The following PCDH9 variants were observed in gnomAD, a reference collection of about 807,000 sequenced individuals.
The protein encoded by PCDH9 is protocadherin 9.
A neutral mutation model predicts 70.6 loss-of-function variants in PCDH9; 24 were observed. The observed-to-expected ratio is 0.34, with a 90% CI of 0.25 to 0.48. The LOEUF is 0.48. PCDH9 is among the 20% of genes least tolerant of loss of function. The pLI is 0.99. For missense variants in PCDH9, 1,281 were observed against 1,503.6 expected (o/e 0.85, Z 2.45); for synonymous variants, 562 against 558.5 (o/e 1.01, Z -0.09).
At chr13:66,452,530 T>C (rs947870685) in intron 4 of PCDH9, among the ~76,000 whole-genome samples, 2 of 152,122 alleles carry the variant, frequency 1.3e-5, no homozygotes, top group African/African-American at 4.8e-5. Context: ...TTACATGAAT[T>C]GTCACATTCT....
intron 2 of PCDH9, among the ~76,000 whole-genome samples, chr13:67,051,358 G>A (rs902086444): frequency 6.8e-6 from 1 of 146,292 alleles, no homozygotes; most frequent in African/African-American, 2.5e-5. Flanking sequence ...TCAAAAAAGC[G>A]AAATACCAGG....
intron 2 of PCDH9, among the ~76,000 whole-genome samples, chr13:67,091,340 A>C (rs905160082): frequency 2.6e-5 from 4 of 152,174 alleles, no homozygotes; most frequent in African/African-American, 7.2e-5. Flanking sequence ...CAAGAGGTGA[A>C]GCTAATACAG....
intron 4 of PCDH9, chr13:66,323,034 G>A (rs1032311515): frequency 2.0e-5 from 3 of 151,916 alleles, no homozygotes; most frequent in Admixed American, 2.0e-4. Context: ...AATAAGGAAG[G>A]AAAGAGCTAC....
intron 4 of PCDH9, among the ~76,000 whole-genome samples, chr13:66,419,498 T>C (rs1254808759): frequency 6.6e-6 from 1 of 151,092 alleles, no homozygotes; most frequent in Admixed American, 6.6e-5. Context: ...GTGCAGCCCA[T>C]GGAGGGCAAG....
chr13:66,905,257 A>G (rs1234026683), intron 2 of PCDH9, among the ~76,000 whole-genome samples: 2 of 152,006 alleles, frequency 1.3e-5, no homozygotes, highest in African/African-American at 4.8e-5. Flanking sequence ...TAATTATTCA[A>G]TTCCTATCCC....
chr13:66,759,467 T>C (rs2079588283), intron 3 of PCDH9, among the ~76,000 whole-genome samples: 1 of 152,146 alleles, frequency 6.6e-6, no homozygotes, highest in Non-Finnish European at 1.5e-5. Flanking sequence ...TTAAATAATT[T>C]AATCTATTTA....
At chr13:66,948,420 C>CA (rs2083124428) in intron 2 of PCDH9, among the ~76,000 whole-genome samples, 1 of 151,912 alleles carries the variant, frequency 6.6e-6, no homozygotes, top group Non-Finnish European at 1.5e-5. Context: ...TTTCACTTCT[C>CA]AAAATTAGTC....
At chr13:66,650,538 AAC>A (rs1176257888) in intron 3 of PCDH9, among the ~76,000 whole-genome samples, 1 of 151,994 alleles carries the variant, frequency 6.6e-6, no homozygotes, top group Non-Finnish European at 1.5e-5. Flanking sequence ...TAGAGACTTC[AAC>A]ACCCCACTTT....
At chr13:66,436,631 G>C (rs1957871975) in intron 4 of PCDH9, among the ~76,000 whole-genome samples, 1 of 152,082 alleles carries the variant, frequency 6.6e-6, no homozygotes, top group Admixed American at 6.6e-5. Context: ...CTTTACTTCT[G>C]AAGTGGTTTG....
intron 2 of PCDH9, among the ~76,000 whole-genome samples, chr13:67,059,148 A>T (rs1182878315): frequency 6.6e-6 from 1 of 151,820 alleles, no homozygotes; most frequent in Non-Finnish European, 1.5e-5. Flanking sequence ...TAAAACAGCA[A>T]GCACATTTGC....
intron 3 of PCDH9, among the ~76,000 whole-genome samples, chr13:66,695,810 C>T (rs2078555338): frequency 6.6e-6 from 1 of 152,106 alleles, no homozygotes; most frequent in Non-Finnish European, 1.5e-5. Flanking sequence ...ATGTAGTTCA[C>T]ATAATATTAG....
chr13:67,006,096 A>G lies in PCDH9; in HGVS notation c.3037-102491T>C, dbSNP rs527643452. Among the ~76,000 whole-genome samples, 8 of 152,142 alleles carry G rather than the reference A, an allele frequency of 5.3e-5. No homozygotes were observed. The East Asian group carries it at 9.7e-4, about 18-fold the overall frequency. On this transcript the variant is annotated intron_variant, in intron 2 of 4. Coordinates refer to ENST00000377865, the MANE Select transcript of PCDH9 (RefSeq NM_203487.3). ...AAAAAAATTAGTCGGGCCTGGCGGCAGGCACCTGTAGTCCCAGCTACTCGG... is the reference window on the plus strand; with the variant it reads ...AAAAAAATTAGTCGGGCCTGGCGGCGGGCACCTGTAGTCCCAGCTACTCGG...
chr13:66,530,909 A>G (rs993134378), intron 4 of PCDH9, among the ~76,000 whole-genome samples: 1 of 151,970 alleles, frequency 6.6e-6, no homozygotes, highest in South Asian at 2.1e-4. Context: ...ACTGACTTTT[A>G]CCACTGATTT....
At chr13:66,799,455 T>A (rs1194306313) in intron 3 of PCDH9, among the ~76,000 whole-genome samples, 1 of 152,130 alleles carries the variant, frequency 6.6e-6, no homozygotes, top group Admixed American at 6.6e-5. Context: ...CCCTGATGAG[T>A]CACCTTATAA....
At chr13:66,721,306 C>T (rs750406411) in intron 3 of PCDH9, among the ~76,000 whole-genome samples, 7 of 152,152 alleles carry the variant, frequency 4.6e-5, no homozygotes, top group Non-Finnish European at 1.0e-4. Context: ...GCACTGAACT[C>T]AAACATATCT....
intron 4 of PCDH9, among the ~76,000 whole-genome samples, chr13:66,602,313 G>A (rs1427431425): frequency 1.4e-5 from 2 of 146,510 alleles, no homozygotes; most frequent in Non-Finnish European, 3.1e-5. Context: ...CTGTGGGTTG[G>A]ACAAGCTTGA....
At chr13:66,905,117 C>T (rs1381238511) in intron 2 of PCDH9, among the ~76,000 whole-genome samples, 1 of 151,832 alleles carries the variant, frequency 6.6e-6, no homozygotes, top group Non-Finnish European at 1.5e-5. Context: ...TTTGAATGTT[C>T]CTAAGTTTTT....
chr13:66,628,172 G>T (rs1195306967), intron 4 of PCDH9, among the ~76,000 whole-genome samples: 1 of 152,002 alleles, frequency 6.6e-6, no homozygotes, highest in Non-Finnish European at 1.5e-5. Flanking sequence ...CTAGATATTT[G>T]GTCTAGATGA....
chr13:66,656,219 A>G (rs2139003983), intron 3 of PCDH9, among the ~76,000 whole-genome samples: 1 of 151,946 alleles, frequency 6.6e-6, no homozygotes, highest in South Asian at 2.1e-4. Flanking sequence ...CAGTATATGC[A>G]CAAGCACTGT....
Sources: gnomAD v4.1 joint callset for allele counts (sites outside exome capture counted in the v4.1 genomes callset) on GRCh38, gnomAD v4.1.1 for gene constraint, MANE v1.5 for transcripts, NCBI Gene and HGNC (gene_info 2026-07-23, HGNC 2026-07-21) for gene names.